Variants in ST8SIA6 observed in about 807,000 individuals in gnomAD.
ST8SIA6 encodes the protein ST8 alpha-N-acetyl-neuraminide alpha-2,8-sialyltransferase 6, also known as alpha-2,8-sialyltransferase 8F.
A neutral mutation model predicts 33.6 loss-of-function variants in ST8SIA6; 39 were observed. The observed-to-expected ratio is 1.16, with a 90% CI of 0.90 to 1.52. ST8SIA6 has a LOEUF of 1.52. ST8SIA6 is among the 40% of genes most tolerant of loss of function. The pLI is 0.00. For missense variants in ST8SIA6, 441 were observed against 443.8 expected, an observed-to-expected ratio of 0.99 and a Z score of 0.06; for synonymous variants, 172 against 167.2, an observed-to-expected ratio of 1.03 and a Z score of -0.22.
At chr10:17,339,118 T>TG (rs1466766332) in intron 4 of ST8SIA6, among the ~76,000 whole-genome samples, 1 of 151,974 alleles carries the variant, frequency 6.6e-6, no homozygotes, top group Non-Finnish European at 1.5e-5. Flanking sequence ...AAATTCCTTT[T>TG]TTTTTTCACT....
chr10:17,360,834 A>G (rs981948083), intron 3 of ST8SIA6, among the ~76,000 whole-genome samples: 3 of 151,978 alleles, frequency 2.0e-5, no homozygotes, highest in African/African-American at 7.2e-5. Flanking sequence ...CAACAAATAT[A>G]AATGATCTAG....
At position 17,327,664 on chromosome 10, in the gene ST8SIA6, G is replaced by A. The variant is rs115797019; in HGVS notation, c.523-538C>T. Reference sequence around the variant, plus strand: ...CACATCTGTAATCCCAGCACTTTGGGAGGCTGCCAAAATGAGAGAGTCACT... The same window carrying A: ...CACATCTGTAATCCCAGCACTTTGGAAGGCTGCCAAAATGAGAGAGTCACT... On this transcript the variant is annotated intron_variant, in intron 5 of 7. Coordinates refer to ENST00000377602, the MANE Select transcript of ST8SIA6 (RefSeq NM_001004470.3). 7.6e-3 allele frequency among the ~76,000 whole-genome samples: 1,150 copies of A among 150,620 alleles called. 14 individuals carry two copies. Among genetic ancestry groups the A allele is most frequent in the African/African-American group, 0.026 (1,080 of 40,942 alleles).
chr10:17,431,795 T>C (rs1319105474), intron 2 of ST8SIA6, among the ~76,000 whole-genome samples: 1 of 151,796 alleles, frequency 6.6e-6, no homozygotes, highest in African/African-American at 2.4e-5. Context: ...TATATGCCAT[T>C]ATTATTCCAG....
At chr10:17,358,636 A>C (rs1157536978) in intron 4 of ST8SIA6, among the ~76,000 whole-genome samples, 1 of 136,598 alleles carries the variant, frequency 7.3e-6, no homozygotes, top group Non-Finnish European at 1.6e-5. Context: ...GAAGGAAGGA[A>C]GGAGAAGAAA....
At chr10:17,333,717 A>AT (rs71392102) in intron 4 of ST8SIA6, among the ~76,000 whole-genome samples, 374 of 33,686 alleles carry the variant, frequency 0.011, 49 homozygotes, top group Non-Finnish European at 0.014. Flanking sequence ...ATATATATAT[A>AT]TTTTTTTTTT....
intron 2 of ST8SIA6, among the ~76,000 whole-genome samples, chr10:17,403,024 A>G (rs932530296): frequency 1.3e-5 from 2 of 152,186 alleles, no homozygotes; most frequent in Non-Finnish European, 2.9e-5. Flanking sequence ...CATGAACACT[A>G]TCACTGCCCA....
Position 17,406,791 on chromosome 10 carries a change from C to CTT in ST8SIA6, c.201-16173_201-16172dup, listed in dbSNP as rs1281929219. On this transcript the variant is annotated intron_variant, in intron 2 of 7. Coordinates refer to ENST00000377602, the MANE Select transcript of ST8SIA6 (RefSeq NM_001004470.3). ...TACATTTCTGAAACCGAGGGCTAAT[C>CTT]TTTTTTTTTTTTTTTTTTTTGAGAT... Among the ~76,000 whole-genome samples, 502 of 114,466 alleles carry CTT rather than the reference C, an allele frequency of 4.4e-3. 3 individuals are homozygous for CTT. The highest frequency in any genetic ancestry group is 0.014 in the African/African-American group (435 of 30,010). 75.1% of individuals were successfully genotyped at this position (114,466 alleles called of 152,430 possible). A position where few individuals can be genotyped will look rare whatever the true frequency, so the allele number is the denominator to read the frequency against.
intron 4 of ST8SIA6, among the ~76,000 whole-genome samples, chr10:17,350,376 A>G (rs540105896): frequency 6.9e-6 from 1 of 144,808 alleles, no homozygotes; most frequent in Non-Finnish European, 1.5e-5. Context: ...CTGGCTCACA[A>G]TGAATGCTTG....
chr10:17,325,427 T>C (rs1848100789), intron 6 of ST8SIA6, among the ~76,000 whole-genome samples: 1 of 76,826 alleles, frequency 1.3e-5, no homozygotes, highest in African/African-American at 5.6e-5. Flanking sequence ...TTACTACTAC[T>C]GTAATATATA....
rs953276992 is a variant in ST8SIA6, at chr10:17,320,722, C to T, written c.*156G>A. 9.2e-6 allele frequency: 6 copies of T among 653,910 alleles called. No homozygotes were observed. The highest frequency in any genetic ancestry group is 9.2e-5 in the African/African-American group (5 of 54,536). The allele number at this position is 653,910 out of a possible 1,614,324, so 40.5% of individuals were successfully genotyped here. A position where few individuals can be genotyped will look rare whatever the true frequency, so the allele number is the denominator to read the frequency against. ...AATGAAGATGAGAAGGATTGAATGACTTGCCATCATTGCAAAATGAGTGGG... is the reference window on the plus strand; with the variant it reads ...AATGAAGATGAGAAGGATTGAATGATTTGCCATCATTGCAAAATGAGTGGG... On this transcript the variant is annotated 3_prime_UTR_variant, in exon 8 of 8. Coordinates refer to ENST00000377602, the MANE Select transcript of ST8SIA6 (RefSeq NM_001004470.3).
Position 17,333,688 on chromosome 10 carries a change from TATATATATATATATATA to T in ST8SIA6, c.378-2153_378-2137del, listed in dbSNP as rs1848379281. Among the ~76,000 whole-genome samples the T allele has an allele frequency of 5.6e-4, 12 of 21,320 alleles. 2 individuals are homozygous for T. Among genetic ancestry groups the T allele is most frequent in the Middle Eastern group, 0.036 (2 of 56 alleles). The allele number at this position is 21,320 out of a possible 152,430, so 14.0% of individuals were successfully genotyped here. On this transcript the variant is annotated intron_variant, in intron 4 of 7. Transcript: ENST00000377602. ...TGGTGCTGGGATATATATATATATA[TATATATATATATATATA>T]TATATATATATATTTTTTTTTTTTT...
intron 4 of ST8SIA6, among the ~76,000 whole-genome samples, chr10:17,336,410 T>C (rs1218438881): frequency 6.6e-6 from 1 of 152,132 alleles, no homozygotes; most frequent in African/African-American, 2.4e-5. Context: ...TGTCCATTAA[T>C]CCAATTTTAT....
intron 3 of ST8SIA6, among the ~76,000 whole-genome samples, chr10:17,368,277 A>T (rs1028180579): frequency 1.3e-5 from 2 of 149,976 alleles, no homozygotes; most frequent in African/African-American, 4.9e-5. Context: ...TTAGCCAGGC[A>T]TGGTGGCACA....
chr10:17,388,545 G>A (rs1850466448), intron 3 of ST8SIA6, among the ~76,000 whole-genome samples: 1 of 152,168 alleles, frequency 6.6e-6, no homozygotes, highest in Non-Finnish European at 1.5e-5. Context: ...TTATTAGGAA[G>A]AGAAAGTGAA....
In ST8SIA6 at chr10:17,327,053, A is replaced by T; in HGVS notation, c.596T>A (p.Leu199His). 6.2e-7 allele frequency: 1 copy of T among 1,609,602 alleles called. No individual in the cohort carries two copies. The highest frequency in any genetic ancestry group is 8.5e-7 in the Non-Finnish European group (1 of 1,178,176). Residue 199 changes from leucine to histidine, a missense_variant, in exon 6 of 8, where the codon CTC (leucine) becomes CAC (histidine). By Grantham distance (99) the Leu-to-His change is moderately conservative. Coordinates refer to ENST00000377602, the MANE Select transcript of ST8SIA6 (RefSeq NM_001004470.3). ...GGATTTATCTATTTCAGTTCCACAG[A>T]GAGACTTATTCAGAATTCCCCCATT... ...VGNGGILNKS[L>H]CGTEIDKSDF...
intron 5 of ST8SIA6, among the ~76,000 whole-genome samples, chr10:17,328,804 C>A (rs979117696): frequency 1.3e-5 from 2 of 152,092 alleles, no homozygotes; most frequent in Non-Finnish European, 2.9e-5. Context: ...ACTGCACGTG[C>A]GCAGAACGAA....
At chr10:17,391,093 G>GAA (rs1297769658) in intron 2 of ST8SIA6, among the ~76,000 whole-genome samples, 2 of 152,006 alleles carry the variant, frequency 1.3e-5, no homozygotes, top group Non-Finnish European at 2.9e-5. Flanking sequence ...CTCGACCTTA[G>GAA]ATGATCCATC....
intron 2 of ST8SIA6, among the ~76,000 whole-genome samples, chr10:17,446,097 G>A (rs934467912): frequency 6.6e-6 from 1 of 152,002 alleles, no homozygotes; most frequent in Admixed American, 6.6e-5. Flanking sequence ...ATATGGCTCT[G>A]GTATCCATAA....
At chr10:17,389,034 AC>A (rs1850483260) in intron 3 of ST8SIA6, among the ~76,000 whole-genome samples, 1 of 151,714 alleles carries the variant, frequency 6.6e-6, no homozygotes, top group Non-Finnish European at 1.5e-5. Context: ...ATCAGCTGAC[AC>A]CCCCCAGACT....
Sources: allele counts gnomAD v4.1 joint callset (sites outside exome capture counted in the v4.1 genomes callset), GRCh38; gene constraint gnomAD v4.1.1; transcripts MANE v1.5; gene names NCBI Gene and HGNC (gene_info 2026-07-23, HGNC 2026-07-21).